Variants in SYNE2 observed in about 807,000 individuals in gnomAD.
SYNE2 encodes the protein nesprin-2.
SYNE2 carries 431 observed loss-of-function variants against 856.3 expected under a neutral mutation model. The ratio of observed to expected loss-of-function variants is 0.50; its 90% CI spans 0.47 to 0.55. SYNE2 has a LOEUF of 0.55. Among genes scored for constraint, SYNE2 ranks in the 20% least tolerant of loss-of-function variants. The probability of loss-of-function intolerance (pLI) is 0.00; values close to 1 mark genes in which losing one functional copy is unlikely to be tolerated. For synonymous variants in SYNE2, 2,923 were observed against 2,872.3 expected (o/e 1.02, Z -0.56); for missense variants, 8,129 against 8,023.2 (o/e 1.01, Z -0.50).
At chr14:64,135,339 A>C (rs1466615228) in intron 78 of SYNE2, among the ~76,000 whole-genome samples, 1 of 152,196 alleles carries the variant, frequency 6.6e-6, no homozygotes, top group Non-Finnish European at 1.5e-5. Flanking sequence ...TCTCTTTTCC[A>C]TGGAGGTATT....
intron 1 of SYNE2, among the ~76,000 whole-genome samples, chr14:63,827,752 A>G (rs866720528): frequency 1.8e-4 from 28 of 151,400 alleles, no homozygotes; most frequent in Admixed American, 1.7e-3. Flanking sequence ...TTACACTCTC[A>G]CAGGGGGAGA....
At chr14:64,029,784 C>T in intron 43 of SYNE2, 111 bp from the exon 44 acceptor site, 2 of 1,272,576 alleles carry the variant, frequency 1.6e-6, no homozygotes, top group African/African-American at 1.5e-5. Flanking sequence ...AGCCGTATTC[C>T]TGTTTCAAGA....
intron 1 of SYNE2, among the ~76,000 whole-genome samples, chr14:63,841,340 C>A (rs929032427): frequency 6.6e-6 from 1 of 152,204 alleles, no homozygotes; most frequent in East Asian, 1.9e-4. Context: ...TAGCTGTCCT[C>A]ATGCTGCTTG....
chr14:63,774,101 G>A (rs1312077199), intron 1 of SYNE2, among the ~76,000 whole-genome samples: 2 of 152,160 alleles, frequency 1.3e-5, no homozygotes, highest in African/African-American at 4.8e-5. Flanking sequence ...TTGGGAGGCT[G>A]AGGCGGGCAG....
chr14:64,056,350 A>G, intron 49 of SYNE2, 84 bp downstream of exon 49: 1 of 1,294,684 alleles, frequency 7.7e-7, no homozygotes, highest in Non-Finnish European at 1.1e-6. Context: ...TAGTTTTAAG[A>G]ACATAAAATA....
chr14:64,023,169 G>A (rs1214088052), intron 38 of SYNE2: 2 of 343,206 alleles, frequency 5.8e-6, no homozygotes, highest in Non-Finnish European at 1.1e-5. Context: ...GAGCCTGGGA[G>A]GAGGAAGGTG....
At chr14:64,024,828 A>G in intron 39 of SYNE2, 84 bp from the exon 40 acceptor site, 1 of 1,400,488 alleles carries the variant, frequency 7.1e-7, no homozygotes. Context: ...AACCTGGTTG[A>G]GTCACAAGGT....
chr14:64,202,238 G>C, intron 99 of SYNE2: 2 of 702,348 alleles, frequency 2.8e-6, no homozygotes, highest in Non-Finnish European at 5.2e-6. Flanking sequence ...CAATGTATAC[G>C]GCTGGGTGAA....
At chr14:64,153,667 A>G (rs2098263569) in intron 85 of SYNE2, among the ~76,000 whole-genome samples, 1 of 152,234 alleles carries the variant, frequency 6.6e-6, no homozygotes, top group African/African-American at 2.4e-5. Context: ...CCAGGGTTAC[A>G]AAGGTAAACA....
chr14:64,005,245 G>A (rs997904541), intron 30 of SYNE2, among the ~76,000 whole-genome samples: 2 of 152,306 alleles, frequency 1.3e-5, no homozygotes, highest in South Asian at 4.1e-4. Context: ...TTTTGTCTCT[G>A]ACTAATGTGT....
chr14:64,031,054 AAAG>A lies in SYNE2; in HGVS notation c.6923_6925del (p.Lys2308del), dbSNP rs2097030575. The A allele has an allele frequency of 5.6e-6, 9 of 1,614,064 alleles. No homozygotes were observed. The highest frequency in any genetic ancestry group is 7.6e-6 in the Non-Finnish European group (9 of 1,179,986). On this transcript the variant is annotated inframe_deletion, in exon 45 of 116. Transcript: ENST00000555002. ...GACTCAGTTTACAAGATGGCACATTAAAGAAGATTTTAGCTTTAGCAAAATCCG... is the reference window on the plus strand; with the variant it reads ...GACTCAGTTTACAAGATGGCACATTAAAGATTTTAGCTTTAGCAAAATCCG...
rs558639515 is a variant in SYNE2, at chr14:64,052,489, C to G, written c.8576C>G (p.Pro2859Arg). 1.2e-6 allele frequency: 2 copies of G among 1,613,848 alleles called. No homozygotes were observed. The highest frequency in any genetic ancestry group is 1.7e-6 in the Non-Finnish European group (2 of 1,179,890). The change falls in exon 48 of 116, where the codon CCC (proline) becomes CGC (arginine). Residue 2859 changes from proline to arginine, a missense_variant. Coordinates refer to ENST00000555002, the MANE Select transcript of SYNE2 (RefSeq NM_182914.3). ...MVQESETLII[P>R]RVETAATEAE... ...CAAGAAAGTGAAACACTGATAATTC[C>G]CAGGGTGGAGACAGCTGCCACGGAA... is the stretch of plus-strand genomic sequence containing the variant.
chr14:64,142,956 T>C (rs1430071190), intron 82 of SYNE2, among the ~76,000 whole-genome samples: 1 of 152,214 alleles, frequency 6.6e-6, no homozygotes, highest in South Asian at 2.1e-4. Context: ...GGTCATTGCT[T>C]TAAGACCATG....
chr14:64,007,445 C>T (rs1594818337), intron 31 of SYNE2, among the ~76,000 whole-genome samples: 1 of 152,224 alleles, frequency 6.6e-6, no homozygotes, highest in Non-Finnish European at 1.5e-5. Flanking sequence ...ATAACACATA[C>T]ACAGTACAGT....
chr14:64,058,638 C>G (rs1029181652), intron 49 of SYNE2, among the ~76,000 whole-genome samples: 1 of 152,136 alleles, frequency 6.6e-6, no homozygotes, highest in Admixed American at 6.5e-5. Context: ...AGCCACCACA[C>G]TGGCTAATAT....
chr14:64,182,022 G>C (rs1057355723), intron 96 of SYNE2, among the ~76,000 whole-genome samples: 1 of 152,192 alleles, frequency 6.6e-6, no homozygotes, highest in African/African-American at 2.4e-5. Context: ...CAAAGATAGA[G>C]TATGCATATG....
rs755302596 is a variant in SYNE2 at position 64,125,177 on chromosome 14, C to T, written c.13521C>T (p.Asp4507=). ...AAACCTATACCACCCAACTTGAAGACCTGCGCCAAGAAGCAAGTAACCTTC... is the reference window on the plus strand; with the variant it reads ...AAACCTATACCACCCAACTTGAAGATCTGCGCCAAGAAGCAAGTAACCTTC... ...ELKTYTTQLE[D]LRQEASNLQT... Residue 4507 remains aspartate (D), a synonymous_variant, in exon 71 of 116, where the codon GAC becomes GAT. Coordinates refer to ENST00000555002, the MANE Select transcript of SYNE2 (RefSeq NM_182914.3). 3.1e-6 allele frequency: 5 copies of T among 1,614,156 alleles called. No homozygotes were observed. The highest frequency in any genetic ancestry group is 4.2e-6 in the Non-Finnish European group (5 of 1,180,022).
chr14:64,033,885 T>C (rs1567110408), intron 45 of SYNE2, among the ~76,000 whole-genome samples: 1 of 152,198 alleles, frequency 6.6e-6, no homozygotes, highest in Non-Finnish European at 1.5e-5. Context: ...AGATAACTAG[T>C]TTTTATTCTC....
intron 1 of SYNE2, among the ~76,000 whole-genome samples, chr14:63,802,106 G>T (rs1888153297): frequency 6.6e-6 from 1 of 150,490 alleles, no homozygotes; most frequent in East Asian, 2.0e-4. Flanking sequence ...CTATGTTGTT[G>T]TTACTATTAT....
Sources: allele counts gnomAD v4.1 joint callset (sites outside exome capture counted in the v4.1 genomes callset), GRCh38; gene constraint gnomAD v4.1.1; transcripts MANE v1.5; gene names NCBI Gene and HGNC (gene_info 2026-07-23, HGNC 2026-07-21).